ZNF444: variants seen among roughly 807,000 people sequenced by gnomAD.
ZNF444 encodes endothelial zinc finger protein 2.
A neutral mutation model predicts 14.4 loss-of-function variants in ZNF444; 8 were observed. That is an observed-to-expected ratio of 0.56 (90% CI 0.33 to 1.00). The LOEUF is 1.00. Ranked by LOEUF, ZNF444 falls within the 50% of genes least tolerant of loss-of-function variation. ZNF444 has a pLI of 0.03. For missense variants in ZNF444, 510 were observed against 504.8 expected, an observed-to-expected ratio of 1.01 and a Z score of -0.10; for synonymous variants, 258 against 235.9, an observed-to-expected ratio of 1.09 and a Z score of -0.86.
In ZNF444 at chr19:56,147,122, G is replaced by A. The variant is rs1368485926; in HGVS notation, c.211G>A (p.Ala71Thr). 1.3e-6 allele frequency: 2 copies of A among 1,569,074 alleles called. No homozygotes were observed. The highest frequency in any genetic ancestry group is 8.6e-7 in the Non-Finnish European group (1 of 1,162,148). The change falls in exon 3 of 5, where the codon GCG becomes ACG. Residue 71 changes from alanine (A) to threonine (T), a missense_variant. By Grantham distance (58) the Ala-to-Thr change is moderately conservative. Coordinates refer to ENST00000337080, the MANE Select transcript of ZNF444 (RefSeq NM_018337.4). This position sits in a 1 kb window ranked among gnomAD's most constrained non-coding sequence, Gnocchi z 5.9. ...GCTGGTGCTGGAACAGTTCCTGAGC[G>A]CGCTGCCCGCCGACACGCAGGCCTG... ...ELLVLEQFLS[A>T]LPADTQAWVC...
chr19:56,158,446 G>C, intron 3 of ZNF444, 48 bp from the exon 4 acceptor site: 1 of 1,520,942 alleles, frequency 6.6e-7, no homozygotes. Context: ...GGGAGAAATA[G>C]AGGCCCTTGC....
At chr19:56,153,756 C>G (rs2031729385) in intron 3 of ZNF444, among the ~76,000 whole-genome samples, 1 of 152,138 alleles carries the variant, frequency 6.6e-6, no homozygotes, top group African/African-American at 2.4e-5. Flanking sequence ...GCAGCTCCAG[C>G]CAGTACCTGG....
chr19:56,133,971 CA>C (rs1599979184), intron 1 of ZNF444, among the ~76,000 whole-genome samples: 1 of 151,948 alleles, frequency 6.6e-6, no homozygotes, highest in East Asian at 1.9e-4. Flanking sequence ...CCTGGGAAGC[CA>C]AAGATGACTC....
intron 3 of ZNF444, chr19:56,154,252 C>G (rs1436973594): frequency 6.6e-6 from 1 of 152,168 alleles, no homozygotes; most frequent in Non-Finnish European, 1.5e-5. Context: ...GCACTGGATT[C>G]CAGCACTTTA....
chr19:56,154,087 A>G (rs1160645645), intron 3 of ZNF444, among the ~76,000 whole-genome samples: 2 of 152,348 alleles, frequency 1.3e-5, no homozygotes, highest in East Asian at 1.9e-4. Context: ...ACCGTGTTCA[A>G]CGTACACAAT....
chr19:56,142,565 G>A (rs535354469), intron 1 of ZNF444, among the ~76,000 whole-genome samples: 7 of 152,180 alleles, frequency 4.6e-5, no homozygotes, highest in Admixed American at 1.3e-4. Flanking sequence ...AGGATAGCCC[G>A]CCACGACACA....
chr19:56,137,123 C>T (rs190216390), upstream of ZNF444, among the ~76,000 whole-genome samples: 5 of 151,582 alleles, frequency 3.3e-5, no homozygotes, highest in Admixed American at 2.0e-4. Flanking sequence ...TGATGTTGTG[C>T]AGCTGGTCTG....
chr19:56,139,234 G>A (rs1324008910), upstream of ZNF444, among the ~76,000 whole-genome samples: 3 of 152,072 alleles, frequency 2.0e-5, no homozygotes, highest in Admixed American at 2.0e-4. Flanking sequence ...GGGGCAGGAG[G>A]CAGAAGAGGC....
intron 3 of ZNF444, among the ~76,000 whole-genome samples, chr19:56,153,840 A>C (rs1474763079): frequency 6.6e-6 from 1 of 152,226 alleles, no homozygotes; most frequent in Admixed American, 6.5e-5. Context: ...GGGGCTCCAG[A>C]GGCAGCTGGG....
At chr19:56,152,450 G>T (rs940325945) in intron 3 of ZNF444, among the ~76,000 whole-genome samples, 1 of 148,916 alleles carries the variant, frequency 6.7e-6, no homozygotes, top group Non-Finnish European at 1.5e-5. Flanking sequence ...CCATTCTCCT[G>T]TTGAAGGACA....
chr19:56,158,734 C>T (rs1359649541), intron 4 of ZNF444, 132 bp downstream of exon 4: 10 of 799,978 alleles, frequency 1.3e-5, no homozygotes, highest in Admixed American at 6.8e-5. Context: ...CCCCGGGGTT[C>T]GGACCCAAGG....
chr19:56,151,918 T>C (rs987207677), intron 3 of ZNF444: 5 of 456,636 alleles, frequency 1.1e-5, no homozygotes, highest in East Asian at 6.9e-5. Flanking sequence ...GCATCTGGTG[T>C]GTGGGTCCTC....
At chr19:56,159,266 C>A (rs899570513) in intron 4 of ZNF444, among the ~76,000 whole-genome samples, 3 of 151,798 alleles carry the variant, frequency 2.0e-5, no homozygotes, top group Admixed American at 6.6e-5. Flanking sequence ...AGACATTCAT[C>A]CACCCCTCAT....
upstream of ZNF444, among the ~76,000 whole-genome samples, chr19:56,136,653 A>G (rs549216940): frequency 6.6e-6 from 1 of 152,316 alleles, no homozygotes; most frequent in East Asian, 1.9e-4. Flanking sequence ...ACTATTCTAG[A>G]GTGCAGGTAG....
chr19:56,132,798 C>T, intron 1 of ZNF444: 1 of 152,200 alleles, frequency 6.6e-6, no homozygotes. Flanking sequence ...GCTTGACTCG[C>T]TCCTCCTGTA....
chr19:56,138,083 C>T (rs1241316516), upstream of ZNF444, among the ~76,000 whole-genome samples: 2 of 151,468 alleles, frequency 1.3e-5, no homozygotes, highest in South Asian at 4.2e-4. Flanking sequence ...GAGATGGAAC[C>T]ATTGCACTCC....
At chr19:56,134,329 G>T (rs1173364408) in intron 1 of ZNF444, among the ~76,000 whole-genome samples, 2 of 152,244 alleles carry the variant, frequency 1.3e-5, no homozygotes, top group African/African-American at 4.8e-5. Flanking sequence ...TCGCCCTCAG[G>T]CCTGGGAAGC....
rs759781634 is a variant in ZNF444, at chr19:56,146,939, G to A, written c.28G>A (p.Glu10Lys). The A allele has an allele frequency of 9.0e-6, 13 of 1,443,398 alleles. No homozygotes were observed. In the South Asian group the frequency reaches 1.7e-4, roughly 19 times the overall value. 89.4% of individuals were successfully genotyped at this position (1,443,398 alleles called of 1,614,324 possible). A position where few individuals can be genotyped will look rare whatever the true frequency, so the allele number is the denominator to read the frequency against. The change falls in exon 3 of 5, where the codon GAG becomes AAG. Residue 10 changes from glutamate to lysine, a missense_variant. Coordinates refer to ENST00000337080, the MANE Select transcript of ZNF444 (RefSeq NM_018337.4). ...GGAGGTGGCGGTGCCCGTGAAGCAG[G>A]AGGCCGAGGGCCTGGCGCTGGACTC... MEVAVPVKQ[E>K]AEGLALDSPW...
Position 56,153,828 on chromosome 19 carries a change from C to T in ZNF444, c.298-4666C>T, listed in dbSNP as rs536303414. Among the ~76,000 whole-genome samples, 66 of 152,278 alleles carry T rather than the reference C, an allele frequency of 4.3e-4. 1 individual carries two copies. The highest frequency in any genetic ancestry group is 1.0e-4 in the Non-Finnish European group (7 of 68,026). On this transcript the variant is annotated intron_variant, in intron 3 of 4. Transcript: ENST00000337080. Reference sequence around the variant, plus strand: ...TCAGGTCGGAATTGAAGGGGAGGCCCTGGGGCTCCAGAGGCAGCTGGGAGC... The same window carrying T: ...TCAGGTCGGAATTGAAGGGGAGGCCTTGGGGCTCCAGAGGCAGCTGGGAGC...
Sources: allele counts gnomAD v4.1 joint callset (sites outside exome capture counted in the v4.1 genomes callset), GRCh38; gene constraint gnomAD v4.1.1; non-coding constraint Gnocchi (gnomAD v3.1); transcripts MANE v1.5; gene names NCBI Gene and HGNC (gene_info 2026-07-23, HGNC 2026-07-21).